The following SEMA3E variants were observed in gnomAD, a reference collection of about 807,000 sequenced individuals.
The protein encoded by SEMA3E is semaphorin-3E.
Under a neutral mutation model 93.6 loss-of-function variants are expected in SEMA3E, and 49 were observed. The ratio of observed to expected loss-of-function variants is 0.52; its 90% confidence interval spans 0.42 to 0.66. The LOEUF (loss-of-function observed/expected upper bound fraction) is 0.66. Ranked by LOEUF, SEMA3E falls within the 30% of genes least tolerant of loss-of-function variation. The probability of loss-of-function intolerance (pLI) is 0.00; values close to 1 mark genes in which losing one functional copy is unlikely to be tolerated. For missense variants in SEMA3E, 906 were observed against 964.8 expected (o/e 0.94, Z 0.81); for synonymous variants, 363 against 330.7 (o/e 1.10, Z -1.06).
At chr7:83,583,948 G>A (rs215302) in intron 1 of SEMA3E, among the ~76,000 whole-genome samples, 79,675 of 151,840 alleles carry the variant, frequency 0.52, 21,460 homozygotes, top group Middle Eastern at 0.68. Context: ...CCTCATTGAC[G>A]TTGTTGAGCC....
intron 1 of SEMA3E, among the ~76,000 whole-genome samples, chr7:83,581,815 T>A (rs531420713): frequency 6.8e-4 from 103 of 151,974 alleles, no homozygotes; most frequent in Middle Eastern, 3.4e-3. Flanking sequence ...GAGTGTACAG[T>A]CAATGTTTTC....
intron 1 of SEMA3E, among the ~76,000 whole-genome samples, chr7:83,535,285 G>A (rs1290581848): frequency 2.0e-5 from 3 of 152,072 alleles, no homozygotes; most frequent in Non-Finnish European, 4.4e-5. Flanking sequence ...AGGAGGGGTG[G>A]TATTGGGCAT....
intron 2 of SEMA3E, among the ~76,000 whole-genome samples, chr7:83,487,940 C>A (rs948470915): frequency 2.2e-4 from 32 of 147,928 alleles, no homozygotes; most frequent in South Asian, 2.2e-4. Context: ...AGTGTAGATG[C>A]CAAAGAAATA....
At chr7:83,551,890 G>A (rs1791772599) in intron 1 of SEMA3E, among the ~76,000 whole-genome samples, 1 of 152,054 alleles carries the variant, frequency 6.6e-6, no homozygotes, top group South Asian at 2.1e-4. Flanking sequence ...AATCAAAAAT[G>A]TCTCCAAATA....
intron 1 of SEMA3E, among the ~76,000 whole-genome samples, chr7:83,497,347 A>C (rs1790508379): frequency 6.6e-6 from 1 of 152,156 alleles, no homozygotes; most frequent in Admixed American, 6.5e-5. Flanking sequence ...TCTTGAATGC[A>C]CATTTCTTGT....
At chr7:83,438,474 A>G (rs1789047516) in intron 4 of SEMA3E, among the ~76,000 whole-genome samples, 1 of 152,132 alleles carries the variant, frequency 6.6e-6, no homozygotes, top group Non-Finnish European at 1.5e-5. Flanking sequence ...AATACCAAGA[A>G]CTTTAATAAA....
At chr7:83,440,629 A>G (rs1213029235) in intron 4 of SEMA3E, among the ~76,000 whole-genome samples, 1 of 152,162 alleles carries the variant, frequency 6.6e-6, no homozygotes, top group African/African-American at 2.4e-5. Context: ...TTCTAGAAGG[A>G]GAACAAAGCT....
chr7:83,391,799 T>C (rs1425279834), intron 14 of SEMA3E, among the ~76,000 whole-genome samples: 1 of 152,158 alleles, frequency 6.6e-6, no homozygotes, highest in Non-Finnish European at 1.5e-5. Context: ...TAATTGAAAT[T>C]AATACAAACT....
intron 16 of SEMA3E, among the ~76,000 whole-genome samples, chr7:83,382,043 C>T (rs1244774251): frequency 6.6e-6 from 1 of 152,000 alleles, no homozygotes; most frequent in African/African-American, 2.4e-5. Context: ...AAGGATCAAT[C>T]TGACATCAGG....
intron 1 of SEMA3E, among the ~76,000 whole-genome samples, chr7:83,611,944 C>A (rs1793275016): frequency 6.6e-6 from 1 of 152,098 alleles, no homozygotes. Context: ...GATCAGCTCC[C>A]CAATTGCCTT....
At chr7:83,466,694 T>C in intron 3 of SEMA3E, 93 bp from the exon 4 acceptor site, 1 of 1,484,098 alleles carries the variant, frequency 6.7e-7, no homozygotes, top group South Asian at 1.2e-5. Context: ...AGAAAGCTCA[T>C]GTTTTACCGT....
At position 83,394,321 on chromosome 7, in the gene SEMA3E, A is replaced by T. The variant is rs529826573; in HGVS notation, c.1476T>A (p.Ile492=). ...CCCGCTTTGAAGAAATCTCCATAGAAATAATAGGAACTGGATCCTGAAATT... is the reference window on the plus strand; with the variant it reads ...CCCGCTTTGAAGAAATCTCCATAGATATAATAGGAACTGGATCCTGAAATT... ...LQIFKDPVPI[I]SMEISSKRQQ... Residue 492 remains isoleucine (I), a synonymous_variant, in exon 13 of 17, where the codon ATT becomes ATA. Transcript: ENST00000643230. 1.2e-5 allele frequency: 20 copies of T among 1,613,192 alleles called. No individual in the cohort carries two copies. Among genetic ancestry groups the T allele is most frequent in the Admixed American group, 3.3e-5 (2 of 59,936 alleles).
At chr7:83,481,599 T>C (rs1790147047) in intron 2 of SEMA3E, among the ~76,000 whole-genome samples, 1 of 152,132 alleles carries the variant, frequency 6.6e-6, no homozygotes. Context: ...GTGAAGAGTA[T>C]GCTTTAGCAT....
chr7:83,418,271 A>C, intron 5 of SEMA3E, 119 bp downstream of exon 5: 1 of 789,976 alleles, frequency 1.3e-6, no homozygotes, highest in Non-Finnish European at 2.2e-6. Context: ...CGAGCATCAG[A>C]AAATAGATAT....
intron 1 of SEMA3E, among the ~76,000 whole-genome samples, chr7:83,639,445 A>T (rs1447254198): frequency 1.3e-5 from 2 of 152,092 alleles, no homozygotes; most frequent in Non-Finnish European, 2.9e-5. Context: ...GAAGCCAACT[A>T]AATATATATA....
intron 1 of SEMA3E, among the ~76,000 whole-genome samples, chr7:83,539,831 C>A (rs1278405403): frequency 1.5e-5 from 2 of 133,596 alleles, no homozygotes; most frequent in Non-Finnish European, 3.3e-5. Context: ...TTTAAGTTAA[C>A]TTTTTTGTTT....
intron 1 of SEMA3E, among the ~76,000 whole-genome samples, chr7:83,534,386 T>G (rs1791368181): frequency 6.6e-6 from 1 of 152,236 alleles, no homozygotes; most frequent in Non-Finnish European, 1.5e-5. Flanking sequence ...CTTGGGTTTC[T>G]AAGGACTATG....
rs1009005828 is a variant in SEMA3E, at chr7:83,608,289, A to G, written c.115+40139T>C. ...AAAGGGAGCAAGAGTGGATACTCAG[A>G]GAATAGATAAGAGATTATTGCATTT... On this transcript the variant is annotated intron_variant, in intron 1 of 16. Coordinates refer to ENST00000643230, the MANE Select transcript of SEMA3E (RefSeq NM_012431.3). Among the ~76,000 whole-genome samples, 3 of 152,100 alleles carry G rather than the reference A, an allele frequency of 2.0e-5. No homozygotes were observed. In the East Asian group the frequency reaches 5.8e-4, roughly 29 times the overall value.
At chr7:83,479,722 G>A (rs1216035615) in intron 2 of SEMA3E, among the ~76,000 whole-genome samples, 4 of 152,094 alleles carry the variant, frequency 2.6e-5, no homozygotes, top group African/African-American at 9.7e-5. Flanking sequence ...TAATTTGCCT[G>A]GAATCTCTCA....
Sources: allele counts gnomAD v4.1 joint callset (sites outside exome capture counted in the v4.1 genomes callset), GRCh38; gene constraint gnomAD v4.1.1; transcripts MANE v1.5; gene names NCBI Gene and HGNC (gene_info 2026-07-23, HGNC 2026-07-21).